Variants in LRP1B observed in about 807,000 individuals in gnomAD.
LRP1B encodes the protein low-density lipoprotein receptor-related protein 1B.
A neutral mutation model predicts 556.6 loss-of-function variants in LRP1B; 217 were observed. The observed-to-expected ratio is 0.39, with a 90% CI of 0.35 to 0.44. The LOEUF is 0.44. Among genes scored for constraint, LRP1B ranks in the 20% least tolerant of loss-of-function variants. LRP1B has a pLI of 1.00. For missense variants in LRP1B, 5,053 were observed against 5,620.8 expected (o/e 0.90, Z 3.23); for synonymous variants, 2,047 against 1,865.8 (o/e 1.10, Z -2.50).
chr2:140,710,098 G>T (rs1256490498), intron 37 of LRP1B, among the ~76,000 whole-genome samples: 1 of 152,046 alleles, frequency 6.6e-6, no homozygotes, highest in Non-Finnish European at 1.5e-5. Flanking sequence ...ATATGTCAAA[G>T]ATTTCTTGTT....
intron 37 of LRP1B, among the ~76,000 whole-genome samples, chr2:140,712,776 T>C (rs1216405639): frequency 6.6e-6 from 1 of 152,104 alleles, no homozygotes; most frequent in Non-Finnish European, 1.5e-5. Context: ...GATAAAAATA[T>C]GCAATACCAT....
At chr2:140,258,900 C>T (rs1211815568) in intron 86 of LRP1B, among the ~76,000 whole-genome samples, 1 of 152,086 alleles carries the variant, frequency 6.6e-6, no homozygotes, top group Non-Finnish European at 1.5e-5. Context: ...AATTAGAAGT[C>T]ATTAAGAAAT....
intron 25 of LRP1B, among the ~76,000 whole-genome samples, chr2:140,879,904 C>A (rs560372234): frequency 6.6e-6 from 1 of 150,652 alleles, no homozygotes; most frequent in African/African-American, 2.4e-5. Context: ...AGGCTGTTAT[C>A]ACCTATCAGA....
chr2:141,497,492 C>G (rs1399877846), intron 2 of LRP1B, among the ~76,000 whole-genome samples: 1 of 151,994 alleles, frequency 6.6e-6, no homozygotes, highest in African/African-American at 2.4e-5. Flanking sequence ...CCTAGAATAA[C>G]TGAATAAGGA....
chr2:140,801,581 A>AT (rs1690513826), intron 32 of LRP1B, among the ~76,000 whole-genome samples: 4 of 67,064 alleles, frequency 6.0e-5, no homozygotes, highest in East Asian at 1.3e-3. Flanking sequence ...AAATCTTACT[A>AT]ATTTTTTTTT....
chr2:142,064,502 A>C (rs1220973844), intron 1 of LRP1B, among the ~76,000 whole-genome samples: 2 of 151,556 alleles, frequency 1.3e-5, no homozygotes, highest in Non-Finnish European at 3.0e-5. Flanking sequence ...TTGACTCTCT[A>C]ATTTTAATAT....
intron 66 of LRP1B, among the ~76,000 whole-genome samples, chr2:140,433,156 T>C (rs1686025276): frequency 6.6e-6 from 1 of 152,186 alleles, no homozygotes; most frequent in Non-Finnish European, 1.5e-5. Context: ...TGGAGTGCAG[T>C]GGTGCAATCT....
chr2:141,640,553 C>T (rs1461778051), intron 2 of LRP1B, among the ~76,000 whole-genome samples: 1 of 152,108 alleles, frequency 6.6e-6, no homozygotes, highest in Non-Finnish European at 1.5e-5. Context: ...ACCTGTAATC[C>T]CAGCACTTTA....
At chr2:141,103,114 G>A (rs554487723) in intron 7 of LRP1B, among the ~76,000 whole-genome samples, 1 of 151,836 alleles carries the variant, frequency 6.6e-6, no homozygotes, top group East Asian at 1.9e-4. Flanking sequence ...TGTCAACAGT[G>A]GCTGTATTTG....
rs552199770 is a variant in LRP1B at position 141,997,173 on chromosome 2, G to A, written c.82+133475C>T. Among the ~76,000 whole-genome samples, 203 of 128,260 alleles carry A rather than the reference G, an allele frequency of 1.6e-3. 1 individual carries two copies. The highest frequency in any genetic ancestry group is 5.9e-3 in the African/African-American group (199 of 33,828). 84.1% of individuals were successfully genotyped at this position (128,260 alleles called of 152,430 possible). ...GGGCAATGGCAGACACCTGACACTAGTTCAGTAGCTAAGATTTTGCACTTT... is the reference window on the plus strand; with the variant it reads ...GGGCAATGGCAGACACCTGACACTAATTCAGTAGCTAAGATTTTGCACTTT... On this transcript the variant is annotated intron_variant, in intron 1 of 90. Transcript: ENST00000389484.
rs865797830 is a variant in LRP1B, at chr2:141,810,115, A to G, written c.205+164T>C. ...TGGAAAAAAGAAAGAAAGAAAGAAA[A>G]AGAAAGAAAGAAAGAAAGAAAGAAA... On this transcript the variant is annotated intron_variant, in intron 2 of 90. Coordinates refer to ENST00000389484, the MANE Select transcript of LRP1B (RefSeq NM_018557.3). Among the ~76,000 whole-genome samples, 29 of 60,362 alleles carry G rather than the reference A, an allele frequency of 4.8e-4. 1 individual carries two copies. Among genetic ancestry groups the G allele is most frequent in the African/African-American group, 2.2e-3 (28 of 12,534 alleles). The allele number at this position is 60,362 out of a possible 152,430, so 39.6% of individuals were successfully genotyped here.
Position 141,810,274 on chromosome 2 carries a change from C to A in LRP1B, c.205+5G>T. The A allele has an allele frequency of 6.2e-7, 1 of 1,612,756 alleles. No individual in the cohort carries two copies. The highest frequency in any genetic ancestry group is 1.1e-5 in the South Asian group (1 of 91,012). Reference sequence around the variant, plus strand: ...TCCGAATGGCATGAGAACCTTTCTACTCACAGGTATCTAAAGACTCGTCTG... The same window carrying A: ...TCCGAATGGCATGAGAACCTTTCTAATCACAGGTATCTAAAGACTCGTCTG... On this transcript the variant is annotated splice_donor_5th_base_variant and intron_variant, in intron 2 of 90. Transcript: ENST00000389484.
At chr2:141,797,510 A>G (rs1465287690) in intron 2 of LRP1B, among the ~76,000 whole-genome samples, 2 of 151,978 alleles carry the variant, frequency 1.3e-5, no homozygotes, top group Admixed American at 6.6e-5. Context: ...GCAAAGTTCA[A>G]ATTTATCAGC....
rs2105430770 is a variant in LRP1B at position 140,702,524 on chromosome 2, A to T, written c.6053T>A (p.Met2018Lys). The T allele has an allele frequency of 6.2e-7, 1 of 1,613,348 alleles. No homozygotes were observed. Among genetic ancestry groups the T allele is most frequent in the Non-Finnish European group, 8.5e-7 (1 of 1,179,554 alleles). Reference protein sequence around the residue: ...GLLFWTEWGQMPCIGKARLDG... With the variant: ...GLLFWTEWGQKPCIGKARLDG... ...CAAGCGAGCCTTTCCAATACAGGGC[A>T]TTTGTCCCCATTCAGTCCAGAACAA... is the stretch of plus-strand genomic sequence containing the variant. Residue 2018 changes from methionine to lysine, a missense_variant, in exon 38 of 91, where the codon ATG (methionine) becomes AAG (lysine). By Grantham distance (95) the Met-to-Lys change is moderately conservative. Coordinates refer to ENST00000389484, the MANE Select transcript of LRP1B (RefSeq NM_018557.3).
chr2:141,271,829 G>A (rs1573738107), intron 3 of LRP1B, among the ~76,000 whole-genome samples: 1 of 149,406 alleles, frequency 6.7e-6, no homozygotes, highest in Non-Finnish European at 1.5e-5. Flanking sequence ...GATGTTACAA[G>A]TACATAATGT....
intron 1 of LRP1B, among the ~76,000 whole-genome samples, chr2:141,815,925 G>A (rs1345169848): frequency 6.6e-6 from 1 of 152,196 alleles, no homozygotes; most frequent in Non-Finnish European, 1.5e-5. Flanking sequence ...CAGTAGAACA[G>A]TAAAGGGTGG....
At chr2:141,985,311 T>C (rs1481305155) in intron 1 of LRP1B, among the ~76,000 whole-genome samples, 1 of 152,146 alleles carries the variant, frequency 6.6e-6, no homozygotes, top group Non-Finnish European at 1.5e-5. Flanking sequence ...AAATAACCTA[T>C]TTTCACTTCA....
chr2:140,616,348 TATC>T (rs1393989213), intron 41 of LRP1B, among the ~76,000 whole-genome samples: 1 of 151,994 alleles, frequency 6.6e-6, no homozygotes, highest in Admixed American at 6.6e-5. Flanking sequence ...TTTTAAATGT[TATC>T]ATAAAGAACT....
At chr2:141,132,748 G>C (rs1187392534) in intron 7 of LRP1B, among the ~76,000 whole-genome samples, 2 of 151,866 alleles carry the variant, frequency 1.3e-5, no homozygotes, top group African/African-American at 4.8e-5. Context: ...TATATGTATT[G>C]ATCAAGTTGG....
Sources: allele counts gnomAD v4.1 joint callset (sites outside exome capture counted in the v4.1 genomes callset), GRCh38; gene constraint gnomAD v4.1.1; transcripts MANE v1.5; gene names NCBI Gene and HGNC (gene_info 2026-07-23, HGNC 2026-07-21).